The following ASIC2 variants were observed in gnomAD, a reference collection of about 807,000 sequenced individuals.
The protein encoded by ASIC2 is acid sensing ion channel subunit 2.
In ASIC2, 25 loss-of-function variants were observed where a neutral mutation model predicts 57.3. That is an observed-to-expected ratio of 0.44 (90% CI 0.32 to 0.61). The LOEUF is 0.61. Ranked by LOEUF, ASIC2 falls within the 20% of genes least tolerant of loss-of-function variation. The pLI is 0.06. For synonymous variants in ASIC2, 319 were observed against 307.5 expected (o/e 1.04, Z -0.39); for missense variants, 641 against 738.1 (o/e 0.87, Z 1.52).
intron 1 of ASIC2, among the ~76,000 whole-genome samples, chr17:33,275,187 A>G (rs1305304425): frequency 1.3e-5 from 2 of 152,154 alleles, no homozygotes; most frequent in African/African-American, 4.8e-5. Flanking sequence ...CCAAAGTAAT[A>G]AATACAAAAT....
intron 1 of ASIC2, among the ~76,000 whole-genome samples, chr17:33,584,260 G>T (rs1486025676): frequency 1.3e-5 from 2 of 152,136 alleles, no homozygotes; most frequent in African/African-American, 4.8e-5. Flanking sequence ...AGTTCATGGA[G>T]AGGGTGACAT....
At chr17:33,604,039 C>G (rs888542745) in intron 1 of ASIC2, among the ~76,000 whole-genome samples, 1 of 152,192 alleles carries the variant, frequency 6.6e-6, no homozygotes, top group Non-Finnish European at 1.5e-5. Flanking sequence ...CCCTACCTAG[C>G]TGCAAGGCGG....
chr17:33,880,053 C>T (rs1191543797), intron 1 of ASIC2, among the ~76,000 whole-genome samples: 1 of 152,106 alleles, frequency 6.6e-6, no homozygotes, highest in African/African-American at 2.4e-5. Context: ...TTCTTTGAAA[C>T]CAATGAGAAC....
intron 1 of ASIC2, among the ~76,000 whole-genome samples, chr17:33,559,214 C>T (rs1173303316): frequency 6.6e-6 from 1 of 152,324 alleles, no homozygotes; most frequent in South Asian, 2.1e-4. Context: ...CTCATAACAG[C>T]CCTTCCTGGT....
chr17:34,013,359 C>G (rs920761988), intron 1 of ASIC2, among the ~76,000 whole-genome samples: 1 of 152,146 alleles, frequency 6.6e-6, no homozygotes, highest in Non-Finnish European at 1.5e-5. Context: ...AGGCCCACCC[C>G]CTTCCAGGTC....
intron 1 of ASIC2, among the ~76,000 whole-genome samples, chr17:33,274,991 C>T (rs1273623080): frequency 1.3e-5 from 2 of 152,116 alleles, no homozygotes; most frequent in Non-Finnish European, 2.9e-5. Context: ...TCATTTCTCC[C>T]ACTCCCCATG....
chr17:33,903,740 T>C (rs1915279140), intron 1 of ASIC2, among the ~76,000 whole-genome samples: 1 of 152,208 alleles, frequency 6.6e-6, no homozygotes, highest in South Asian at 2.1e-4. Flanking sequence ...CCAATTTCTA[T>C]AACAACTGCT....
At chr17:33,614,720 G>C (rs1905538316) in intron 1 of ASIC2, among the ~76,000 whole-genome samples, 1 of 152,190 alleles carries the variant, frequency 6.6e-6, no homozygotes, top group Non-Finnish European at 1.5e-5. Context: ...TGGTGTATAG[G>C]TTTCTTGTCC....
chr17:33,014,325 G>T (rs2091794604), intron 9 of ASIC2, among the ~76,000 whole-genome samples: 1 of 152,056 alleles, frequency 6.6e-6, no homozygotes, highest in African/African-American at 2.4e-5. Context: ...CCTCTTAGAG[G>T]TGCCCCTCAT....
intron 1 of ASIC2, among the ~76,000 whole-genome samples, chr17:33,877,679 G>C (rs544834095): frequency 6.6e-6 from 1 of 152,234 alleles, no homozygotes; most frequent in Non-Finnish European, 1.5e-5. Flanking sequence ...TCCACCTCTG[G>C]GGGCAGGGCA....
At chr17:33,320,867 G>A (rs1906842160) in intron 1 of ASIC2, among the ~76,000 whole-genome samples, 1 of 152,122 alleles carries the variant, frequency 6.6e-6, no homozygotes. Flanking sequence ...TTTTGTGGGT[G>A]TCATAAAGTG....
intron 1 of ASIC2, among the ~76,000 whole-genome samples, chr17:33,789,556 T>C (rs566907330): frequency 1.3e-5 from 2 of 152,098 alleles, no homozygotes; most frequent in Non-Finnish European, 2.9e-5. Context: ...GCTCCCCCTC[T>C]GAAGCCCTTG....
intron 1 of ASIC2, among the ~76,000 whole-genome samples, chr17:33,132,896 A>G (rs2092352931): frequency 6.6e-6 from 1 of 152,196 alleles, no homozygotes; most frequent in Admixed American, 6.5e-5. Flanking sequence ...ACTAGAAATC[A>G]TGAGCTGAAT....
At chr17:33,836,854 A>G (rs538320025) in intron 1 of ASIC2, among the ~76,000 whole-genome samples, 3 of 152,288 alleles carry the variant, frequency 2.0e-5, no homozygotes, top group South Asian at 4.1e-4. Context: ...CTCCGTCTCA[A>G]AAATAAAAAA....
At chr17:33,779,849 T>G (rs1057189306) in intron 1 of ASIC2, among the ~76,000 whole-genome samples, 46 of 152,140 alleles carry the variant, frequency 3.0e-4, no homozygotes, top group African/African-American at 1.0e-3. Context: ...CAGGGACTCT[T>G]GCTATCATAG....
intron 1 of ASIC2, among the ~76,000 whole-genome samples, chr17:33,977,787 A>G (rs1364786869): frequency 1.3e-5 from 2 of 152,168 alleles, no homozygotes; most frequent in Admixed American, 6.5e-5. Flanking sequence ...CAGAAGCCTC[A>G]TGACACTGAT....
chr17:33,532,040 C>T (rs1262305203), intron 1 of ASIC2, among the ~76,000 whole-genome samples: 2 of 152,098 alleles, frequency 1.3e-5, no homozygotes, highest in Non-Finnish European at 2.9e-5. Context: ...GCCATCTGTC[C>T]TCCACTTTCT....
intron 1 of ASIC2, among the ~76,000 whole-genome samples, chr17:33,536,176 C>T (rs1163264552): frequency 7.1e-6 from 1 of 141,694 alleles, no homozygotes; most frequent in Non-Finnish European, 1.6e-5. Flanking sequence ...GAGCCGCTTC[C>T]AAAATTGACC....
At chr17:33,675,938 A>AT (rs1907805507) in intron 1 of ASIC2, among the ~76,000 whole-genome samples, 1 of 152,234 alleles carries the variant, frequency 6.6e-6, no homozygotes, top group East Asian at 1.9e-4. Flanking sequence ...CAAATTGAAA[A>AT]TTTGTGGCAA....
Sources: gnomAD v4.1 joint callset for allele counts (sites outside exome capture counted in the v4.1 genomes callset) on GRCh38, gnomAD v4.1.1 for gene constraint, MANE v1.5 for transcripts, NCBI Gene and HGNC (gene_info 2026-07-23, HGNC 2026-07-21) for gene names.